The following PCDHGB5 variants were observed in gnomAD, a reference collection of about 807,000 sequenced individuals.
PCDHGB5 encodes the protein protocadherin gamma subfamily B, 5.
PCDHGB5 carries 48 observed loss-of-function variants against 62.9 expected under a neutral mutation model. That is an observed-to-expected ratio of 0.76 (90% CI 0.61 to 0.97). The LOEUF (loss-of-function observed/expected upper bound fraction) is 0.97, where lower values mean the gene tolerates loss of function less well. PCDHGB5 is among the 50% of genes least tolerant of loss of function. The pLI, the probability that PCDHGB5 is intolerant of heterozygous loss-of-function variation, is 0.00. For missense variants in PCDHGB5, 1,118 were observed against 1,198.6 expected, an observed-to-expected ratio of 0.93 and a Z score of 0.99; for synonymous variants, 474 against 511.2, an observed-to-expected ratio of 0.93 and a Z score of 0.98.
At chr5:141,426,882 C>A (rs528411309) in intron 1 of PCDHGB5, 1 of 456,664 alleles carries the variant, frequency 2.2e-6, no homozygotes, top group African/African-American at 2.0e-5. Context: ...GCCCCTGGGC[C>A]AGGAGCAACA....
chr5:141,495,386 G>C (rs2099760934), intron 2 of PCDHGB5, among the ~76,000 whole-genome samples: 1 of 152,214 alleles, frequency 6.6e-6, no homozygotes, highest in Non-Finnish European at 1.5e-5. Context: ...GGACTGGGCG[G>C]GGCATGGAGC....
At chr5:141,452,839 C>A (rs939513310) in intron 1 of PCDHGB5, among the ~76,000 whole-genome samples, 2 of 152,092 alleles carry the variant, frequency 1.3e-5, no homozygotes, top group Non-Finnish European at 2.9e-5. Flanking sequence ...TTGGTCCAGC[C>A]CACACTCTGG....
intron 1 of PCDHGB5, among the ~76,000 whole-genome samples, chr5:141,420,643 A>G (rs145459829): frequency 0.01 from 1,535 of 152,326 alleles, 17 homozygotes; most frequent in Non-Finnish European, 0.013. Flanking sequence ...GGAACCTTGT[A>G]AGAATTATAG....
chr5:141,407,798 A>T (rs2094982737), intron 1 of PCDHGB5, among the ~76,000 whole-genome samples: 1 of 152,256 alleles, frequency 6.6e-6, no homozygotes, highest in Non-Finnish European at 1.5e-5. Context: ...AACACAAAGC[A>T]TAGAAATATC....
chr5:141,441,631 C>A, intron 1 of PCDHGB5: 2 of 226,308 alleles, frequency 8.8e-6, no homozygotes, highest in Non-Finnish European at 1.8e-5. Context: ...GACCTGGAGC[C>A]ACAGGCGCTG....
intron 1 of PCDHGB5, chr5:141,416,166 T>C (rs2096001393): frequency 6.5e-6 from 1 of 152,744 alleles, no homozygotes; most frequent in Admixed American, 6.5e-5. Flanking sequence ...CAGTTGAATA[T>C]ACTAAGTTTT....
intron 1 of PCDHGB5, among the ~76,000 whole-genome samples, chr5:141,449,616 G>A (rs1279953840): frequency 1.6e-4 from 24 of 146,738 alleles, no homozygotes; most frequent in Non-Finnish European, 2.3e-4. Flanking sequence ...AAGTAAAAAA[G>A]TTTTTTAAAA....
rs756252337 is a variant in PCDHGB5, at chr5:141,413,183, C to T, written c.2397+12659C>T. The T allele has an allele frequency of 3.7e-6, 6 of 1,605,222 alleles. No individual in the cohort carries two copies. The Admixed American group carries it at 1.0e-4, about 27-fold the overall frequency. Reference sequence around the variant, plus strand: ...TTCTGTAACCAGACTACAATGGCCGCTCAAAGGAATCGCTCAAAGGAATCA... The same window carrying T: ...TTCTGTAACCAGACTACAATGGCCGTTCAAAGGAATCGCTCAAAGGAATCA... On this transcript the variant is annotated intron_variant, in intron 1 of 3. Transcript: ENST00000617380.
chr5:141,428,180 C>A, intron 1 of PCDHGB5: 1 of 1,486,268 alleles, frequency 6.7e-7, no homozygotes, highest in Non-Finnish European at 9.2e-7. Flanking sequence ...TGACGGAGGA[C>A]AGCCGCCGCT....
Position 141,493,360 on chromosome 5 carries a change from G to T in PCDHGB5, c.2398-1447G>T, listed in dbSNP as rs1364095483. Reference sequence around the variant, plus strand: ...CAGAATGTGTGCTTTTAATTTCTTGGCACTTGGAACTTTAAAAGCTTGAGG... The same window carrying T: ...CAGAATGTGTGCTTTTAATTTCTTGTCACTTGGAACTTTAAAAGCTTGAGG... On this transcript the variant is annotated intron_variant, in intron 1 of 3. Transcript: ENST00000617380. This position sits in a 1 kb window ranked among gnomAD's most constrained non-coding sequence, Gnocchi z 4.3. Among the ~76,000 whole-genome samples the T allele has an allele frequency of 6.6e-6, 1 of 152,144 alleles. No individual in the cohort carries two copies. The highest frequency in any genetic ancestry group is 1.5e-5 in the Non-Finnish European group (1 of 68,022).
intron 1 of PCDHGB5, chr5:141,423,689 G>T: frequency 7.1e-7 from 1 of 1,400,130 alleles, no homozygotes; most frequent in Non-Finnish European, 9.4e-7. Context: ...CCTCCTAATT[G>T]TTGGTGTCTT....
rs536970079 is a variant in PCDHGB5 at position 141,405,367 on chromosome 5, T to C, written c.2397+4843T>C. The C allele has an allele frequency of 1.9e-5, 30 of 1,613,694 alleles. No homozygotes were observed. In the African/African-American group the frequency reaches 3.2e-4, roughly 17 times the overall value. The stretch of plus-strand genomic sequence containing the variant: ...CCAAGTTTCCTATAGAAGACACCCC[T>C]TTGGTTCCGGTGAGTTCATTTTTTT... On this transcript the variant is annotated intron_variant, in intron 1 of 3. Transcript: ENST00000617380.
chr5:141,419,715 TG>T (rs754309862), intron 1 of PCDHGB5: 1 of 1,613,288 alleles, frequency 6.2e-7, no homozygotes, highest in South Asian at 1.1e-5. Flanking sequence ...CTCTTCAGCC[TG>T]GGGCTGCGAA....
chr5:141,432,627 C>T lies in PCDHGB5; in HGVS notation c.2397+32103C>T. ...GGACTCTTCTCGGTGGGTCTGCACA[C>T]GGGCGAGGTGCGCACGGCGCGAGCC... On this transcript the variant is annotated intron_variant, in intron 1 of 3. Coordinates refer to ENST00000617380, the MANE Select transcript of PCDHGB5 (RefSeq NM_018925.3). This position sits in a 1 kb window ranked among gnomAD's most constrained non-coding sequence, Gnocchi z 6.0. 1.2e-6 allele frequency: 2 copies of T among 1,613,770 alleles called. No individual in the cohort carries two copies. Among genetic ancestry groups the T allele is most frequent in the Non-Finnish European group, 1.7e-6 (2 of 1,179,944 alleles).
In PCDHGB5 at chr5:141,476,524, T is replaced by C. The variant is rs1350353768; in HGVS notation, c.2398-18283T>C. On this transcript the variant is annotated intron_variant, in intron 1 of 3. Coordinates refer to ENST00000617380, the MANE Select transcript of PCDHGB5 (RefSeq NM_018925.3). The surrounding 1 kb of genome is among the most constrained non-coding windows in gnomAD (Gnocchi z 7.6). ...TCAACGACAACAATCCTGCTTTCCC[T>C]ACCCAGGAAATGAAATTGGAGATTA... 6.2e-7 allele frequency: 1 copy of C among 1,614,182 alleles called. No individual in the cohort carries two copies. Among genetic ancestry groups the C allele is most frequent in the Non-Finnish European group, 8.5e-7 (1 of 1,180,028 alleles).
intron 1 of PCDHGB5, among the ~76,000 whole-genome samples, chr5:141,448,629 C>T (rs1188418541): frequency 6.6e-6 from 1 of 152,060 alleles, no homozygotes; most frequent in Non-Finnish European, 1.5e-5. Flanking sequence ...CCTTTCTTCA[C>T]ATTATATCCT....
intron 1 of PCDHGB5, chr5:141,404,379 C>T (rs548569433): frequency 6.2e-7 from 1 of 1,613,940 alleles, no homozygotes; most frequent in African/African-American, 1.3e-5. Flanking sequence ...TCCGTGATTG[C>T]CTATGACCCT....
intron 1 of PCDHGB5, chr5:141,411,291 C>G (rs2095478163): frequency 6.6e-6 from 1 of 152,158 alleles, no homozygotes; most frequent in South Asian, 2.1e-4. Context: ...ATTCAGAAGA[C>G]AGGCCCAGTG....
rs199507728 is a variant in PCDHGB5, at chr5:141,422,807, G to A, written c.2397+22283G>A. On this transcript the variant is annotated intron_variant, in intron 1 of 3. Coordinates refer to ENST00000617380, the MANE Select transcript of PCDHGB5 (RefSeq NM_018925.3). ...CAATCCTTCGACTATGAGCAGTTTC[G>A]AGACTTAGAACTGAGAGTGATAGCA... 1.9e-3 allele frequency: 3,146 copies of A among 1,614,198 alleles called. 36 individuals are homozygous for A. The highest frequency in any genetic ancestry group is 0.018 in the South Asian group (1,680 of 91,084).
Sources: gnomAD v4.1 joint callset for allele counts (sites outside exome capture counted in the v4.1 genomes callset) on GRCh38, gnomAD v4.1.1 for gene constraint, Gnocchi (gnomAD v3.1) non-coding constraint, MANE v1.5 for transcripts, NCBI Gene and HGNC (gene_info 2026-07-23, HGNC 2026-07-21) for gene names.